Variants in SH2D4B observed in about 807,000 individuals in gnomAD.
SH2D4B encodes SH2 domain containing 4B.
A neutral mutation model predicts 61.5 loss-of-function variants in SH2D4B; 45 were observed. The ratio of observed to expected loss-of-function variants is 0.73; its 90% confidence interval spans 0.58 to 0.94. The LOEUF (loss-of-function observed/expected upper bound fraction) is 0.94, where lower values mean the gene tolerates loss of function less well. Among genes scored for constraint, SH2D4B ranks in the 40% least tolerant of loss-of-function variants. SH2D4B has a pLI of 0.00. For missense variants in SH2D4B, 572 were observed against 574.2 expected, an observed-to-expected ratio of 1.00 and a Z score of 0.04; for synonymous variants, 224 against 220.4, an observed-to-expected ratio of 1.02 and a Z score of -0.14.
chr10:80,557,764 G>T (rs56239591), intron 1 of SH2D4B, among the ~76,000 whole-genome samples: 7,818 of 152,004 alleles, frequency 0.051, 632 homozygotes, highest in African/African-American at 0.18. Context: ...TATCAATTTC[G>T]CCAGTGGCTT....
intron 1 of SH2D4B, among the ~76,000 whole-genome samples, chr10:80,562,062 C>CACACAT (rs35404674): frequency 0.019 from 2,789 of 144,454 alleles, 35 homozygotes; most frequent in Non-Finnish European, 0.029. Flanking sequence ...CACACACACA[C>CACACAT]ATATATAAAA....
At chr10:80,604,792 T>G (rs368573109) in intron 5 of SH2D4B, among the ~76,000 whole-genome samples, 322 of 11,402 alleles carry the variant, frequency 0.028, 1 homozygote, top group African/African-American at 0.24. Flanking sequence ...CTGTTCTTAG[T>G]TTTTTTTTTT....
intron 7 of SH2D4B, among the ~76,000 whole-genome samples, chr10:80,637,355 T>C (rs979712834): frequency 2.6e-5 from 4 of 152,252 alleles, no homozygotes; most frequent in African/African-American, 4.8e-5. Flanking sequence ...GGGGATGGCA[T>C]TGAATCTATA....
chr10:80,543,006 C>G (rs1589327882), intron 1 of SH2D4B, among the ~76,000 whole-genome samples: 1 of 152,206 alleles, frequency 6.6e-6, no homozygotes, highest in African/African-American at 2.4e-5. Flanking sequence ...TCAGGATGTG[C>G]TCCCAGATGC....
At chr10:80,612,182 C>CTTTTT (rs796771295) in intron 6 of SH2D4B, among the ~76,000 whole-genome samples, 4 of 62,994 alleles carry the variant, frequency 6.3e-5, no homozygotes, top group Admixed American at 1.9e-4. Context: ...CCCACTCCTG[C>CTTTTT]TTTTTTTTTT....
At chr10:80,544,644 C>T (rs528315873) in intron 1 of SH2D4B, among the ~76,000 whole-genome samples, 11 of 152,366 alleles carry the variant, frequency 7.2e-5, no homozygotes, top group African/African-American at 2.4e-4. Flanking sequence ...CCAGCCCTGC[C>T]TGGACCCCTG....
At chr10:80,604,651 C>G (rs10748551) in intron 5 of SH2D4B, among the ~76,000 whole-genome samples, 73,199 of 151,946 alleles carry the variant, frequency 0.48, 17,785 homozygotes, top group East Asian at 0.64. Flanking sequence ...TCCCCTCCCC[C>G]CTTCCCACCC....
At chr10:80,610,609 C>G (rs987388797) in intron 6 of SH2D4B, among the ~76,000 whole-genome samples, 1 of 152,142 alleles carries the variant, frequency 6.6e-6, no homozygotes, top group Non-Finnish European at 1.5e-5. Context: ...GCCCTCACCC[C>G]TGCCTCTCAC....
intron 1 of SH2D4B, among the ~76,000 whole-genome samples, chr10:80,542,639 G>A (rs1484293962): frequency 6.6e-6 from 1 of 151,828 alleles, no homozygotes; most frequent in African/African-American, 2.4e-5. Flanking sequence ...CAGGTAATCC[G>A]CCCTCCTCGG....
intron 6 of SH2D4B, among the ~76,000 whole-genome samples, chr10:80,621,907 G>A (rs1260041807): frequency 6.6e-6 from 1 of 152,128 alleles, no homozygotes; most frequent in Non-Finnish European, 1.5e-5. Flanking sequence ...ATTTTTAGTA[G>A]AGATGGGGTT....
rs201569198 is a variant in SH2D4B at position 80,570,287 on chromosome 10, G to T, written c.318G>T (p.Leu106=). ...AGCTGATTGCAGAGAGGGCGCGGCT[G>T]CAGGCACAGAGGGAAGCTGAGGAGC... ...SEELIAERAR[L]QAQREAEELW... The change falls in exon 2 of 8, where the codon CTG becomes CTT. Residue 106 remains leucine (L), a synonymous_variant. Transcript: ENST00000646907. 1.2e-6 allele frequency: 2 copies of T among 1,613,534 alleles called. No homozygotes were observed. The highest frequency in any genetic ancestry group is 2.2e-5 in the South Asian group (2 of 91,052).
At chr10:80,604,466 T>C (rs1225757472) in intron 5 of SH2D4B, among the ~76,000 whole-genome samples, 2 of 152,144 alleles carry the variant, frequency 1.3e-5, no homozygotes, top group African/African-American at 2.4e-5. Context: ...TCCCTCATCA[T>C]TGTTGAACAA....
chr10:80,549,877 C>T (rs1161677245), intron 1 of SH2D4B, among the ~76,000 whole-genome samples: 1 of 152,192 alleles, frequency 6.6e-6, no homozygotes, highest in Non-Finnish European at 1.5e-5. Flanking sequence ...CCCACAGTCA[C>T]CGGTGCTGAT....
At chr10:80,603,073 A>C (rs1842470295) in intron 4 of SH2D4B, among the ~76,000 whole-genome samples, 1 of 152,092 alleles carries the variant, frequency 6.6e-6, no homozygotes, top group Non-Finnish European at 1.5e-5. Context: ...TTAGTGAGAT[A>C]ATGCAGGGAA....
At chr10:80,634,193 C>T (rs1296331529) in intron 6 of SH2D4B, 92 bp from the exon 7 acceptor site, 1 of 1,444,106 alleles carries the variant, frequency 6.9e-7, no homozygotes, top group Non-Finnish European at 9.1e-7. Flanking sequence ...TGCACTGAGC[C>T]ACAGGGTGAG....
intron 3 of SH2D4B, among the ~76,000 whole-genome samples, chr10:80,573,877 G>A (rs1842092954): frequency 6.6e-6 from 1 of 152,002 alleles, no homozygotes; most frequent in Non-Finnish European, 1.5e-5. Flanking sequence ...AGACCTCGGT[G>A]ATTTTCATTA....
intron 3 of SH2D4B, among the ~76,000 whole-genome samples, chr10:80,587,906 C>T (rs901638143): frequency 6.6e-6 from 1 of 152,168 alleles, no homozygotes; most frequent in Non-Finnish European, 1.5e-5. Context: ...ATCTATGTTA[C>T]TGCAGAGGAC....
intron 4 of SH2D4B, among the ~76,000 whole-genome samples, chr10:80,602,251 C>G (rs1842458597): frequency 6.6e-6 from 1 of 152,148 alleles, no homozygotes; most frequent in Non-Finnish European, 1.5e-5. Context: ...TGCTTTAGCA[C>G]AAGAGTTCAA....
In SH2D4B at chr10:80,538,766, C is replaced by A. The variant is rs1185976896; in HGVS notation, c.184+251C>A. On this transcript the variant is annotated intron_variant, in intron 1 of 7. Transcript: ENST00000646907. The surrounding 1 kb of genome is among the most constrained non-coding windows in gnomAD (Gnocchi z 4.8). Reference sequence around the variant, plus strand: ...ATTGGAGTCGGGGAGTTGGGACTTGCTTTGTCTTGTTGTGGAAGGCCCGAG... The same window carrying A: ...ATTGGAGTCGGGGAGTTGGGACTTGATTTGTCTTGTTGTGGAAGGCCCGAG... Among the ~76,000 whole-genome samples, 1 of 152,172 alleles carries A rather than the reference C, an allele frequency of 6.6e-6. No individual in the cohort carries two copies. Among genetic ancestry groups the A allele is most frequent in the African/African-American group, 2.4e-5 (1 of 41,436 alleles).
Sources: allele counts gnomAD v4.1 joint callset (sites outside exome capture counted in the v4.1 genomes callset), GRCh38; gene constraint gnomAD v4.1.1; non-coding constraint Gnocchi (gnomAD v3.1); transcripts MANE v1.5; gene names NCBI Gene and HGNC (gene_info 2026-07-23, HGNC 2026-07-21).